TLE4: variants seen among roughly 807,000 people sequenced by gnomAD.
TLE4 encodes the protein transducin-like enhancer protein 4.
A neutral mutation model predicts 92.8 loss-of-function variants in TLE4; 8 were observed. The ratio of observed to expected loss-of-function variants is 0.09; its 90% confidence interval spans 0.05 to 0.16. The LOEUF is 0.16. Ranked by LOEUF, TLE4 falls within the 10% of genes least tolerant of loss-of-function variation. TLE4 has a pLI of 1.00. For synonymous variants in TLE4, 371 were observed against 374.1 expected, an observed-to-expected ratio of 0.99 and a Z score of 0.10; for missense variants, 675 against 997.6, an observed-to-expected ratio of 0.68 and a Z score of 4.36.
rs139010402 is a variant in TLE4 at position 79,718,391 on chromosome 9, C to G, written c.1341-331C>G. ...GGGCATCCCTGAAAGGTGGCTACTG[C>G]ACTTGACGGTGGTTATCTCATTTAA... On this transcript the variant is annotated intron_variant, in intron 14 of 19. Transcript: ENST00000376552. Among the ~76,000 whole-genome samples the G allele has an allele frequency of 3.5e-4, 53 of 152,266 alleles. 1 individual carries two copies. The highest frequency in any genetic ancestry group is 1.2e-3 in the African/African-American group (50 of 41,560).
At chr9:79,713,087 A>G (rs1029882871) in intron 14 of TLE4, among the ~76,000 whole-genome samples, 3 of 152,230 alleles carry the variant, frequency 2.0e-5, no homozygotes, top group Non-Finnish European at 2.9e-5. Context: ...TCAATGTAAA[A>G]TACAATAACC....
chr9:79,721,927 T>C (rs1040337811), intron 17 of TLE4, 39 bp downstream of exon 17: 18 of 1,590,620 alleles, frequency 1.1e-5, no homozygotes, highest in Non-Finnish European at 1.5e-5. Flanking sequence ...GATACGGTTT[T>C]AGGCTGAGGT....
At chr9:79,708,385 C>A (rs2072278465) in intron 12 of TLE4, 135 bp downstream of exon 12, 2 of 1,215,282 alleles carry the variant, frequency 1.6e-6, no homozygotes, top group South Asian at 1.5e-5. Flanking sequence ...TTAACCTGAA[C>A]CGAGCACCTG....
intron 17 of TLE4, 82 bp downstream of exon 17, chr9:79,721,970 TC>T: frequency 6.5e-7 from 1 of 1,530,848 alleles, no homozygotes; most frequent in African/African-American, 1.4e-5. Context: ...ATCGAGACCA[TC>T]CTGGCCAACA....
At chr9:79,681,574 G>T (rs900543491) in intron 8 of TLE4, among the ~76,000 whole-genome samples, 2 of 152,082 alleles carry the variant, frequency 1.3e-5, no homozygotes, top group Non-Finnish European at 2.9e-5. Flanking sequence ...ATTGAAGATC[G>T]AATGTCCACA....
At chr9:79,692,329 A>C (rs1272014835) in intron 8 of TLE4, among the ~76,000 whole-genome samples, 1 of 152,132 alleles carries the variant, frequency 6.6e-6, no homozygotes, top group Non-Finnish European at 1.5e-5. Context: ...GACTGTGGAG[A>C]AGTGGAGTGG....
chr9:79,702,198 G>A (rs2070126557), intron 8 of TLE4, among the ~76,000 whole-genome samples: 1 of 152,126 alleles, frequency 6.6e-6, no homozygotes, highest in Non-Finnish European at 1.5e-5. Flanking sequence ...ATTGGGGTGT[G>A]GAGTGAGGAC....
chr9:79,581,627 G>A lies in TLE4; in HGVS notation c.252+5450G>A, dbSNP rs80177055. ...GTTCTCATAATGATCCTAAGACAGGGATTATATCCAATCAAAAGTTGATTA... is the reference window on the plus strand; with the variant it reads ...GTTCTCATAATGATCCTAAGACAGGAATTATATCCAATCAAAAGTTGATTA... On this transcript the variant is annotated intron_variant, in intron 4 of 19. Coordinates refer to ENST00000376552, the MANE Select transcript of TLE4 (RefSeq NM_007005.6). 2.6e-3 allele frequency among the ~76,000 whole-genome samples: 398 copies of A among 152,300 alleles called. 2 individuals carry two copies. The highest frequency in any genetic ancestry group is 9.2e-3 in the African/African-American group (381 of 41,556).
intron 8 of TLE4, among the ~76,000 whole-genome samples, chr9:79,686,054 A>T (rs2065780108): frequency 6.6e-6 from 1 of 152,212 alleles, no homozygotes; most frequent in Non-Finnish European, 1.5e-5. Context: ...TTTAGTTATA[A>T]AGAGGTATAA....
chr9:79,662,371 C>T (rs891392606), intron 8 of TLE4, among the ~76,000 whole-genome samples: 1 of 152,086 alleles, frequency 6.6e-6, no homozygotes, highest in Non-Finnish European at 1.5e-5. Flanking sequence ...GTGAGAGAAG[C>T]CAGTAGGCTT....
At chr9:79,622,480 A>G (rs2051274349) in intron 5 of TLE4, among the ~76,000 whole-genome samples, 1 of 152,290 alleles carries the variant, frequency 6.6e-6, no homozygotes, top group South Asian at 2.1e-4. Flanking sequence ...TTGTCAGGTC[A>G]GCTTCCTAAG....
intron 8 of TLE4, 133 bp downstream of exon 8, chr9:79,654,208 A>G: frequency 2.2e-6 from 2 of 901,930 alleles, no homozygotes; most frequent in Non-Finnish European, 3.4e-6. Flanking sequence ...CATTTTTAAA[A>G]TTACTTTCAG....
chr9:79,704,683 C>A, intron 8 of TLE4, 100 bp from the exon 9 acceptor site: 1 of 1,482,298 alleles, frequency 6.7e-7, no homozygotes, highest in Non-Finnish European at 9.0e-7. Context: ...CAAGTATATG[C>A]TAAAGAATAA....
At chr9:79,586,043 A>C (rs1009784075) in intron 4 of TLE4, among the ~76,000 whole-genome samples, 5 of 142,114 alleles carry the variant, frequency 3.5e-5, no homozygotes, top group South Asian at 4.9e-4. Context: ...GTATGTCTTT[A>C]AAGTGATTAG....
chr9:79,668,290 C>CTGTT (rs2134727624), intron 8 of TLE4, among the ~76,000 whole-genome samples: 1 of 152,330 alleles, frequency 6.6e-6, no homozygotes, highest in East Asian at 1.9e-4. Flanking sequence ...TTTTGTTGAA[C>CTGTT]TGTTGACAAA....
intron 6 of TLE4, among the ~76,000 whole-genome samples, chr9:79,640,104 A>G (rs1218383200): frequency 1.3e-5 from 2 of 152,106 alleles, no homozygotes; most frequent in Admixed American, 6.5e-5. Flanking sequence ...GGAATTCAGG[A>G]CACCCTGGAA....
chr9:79,684,192 A>G (rs895030185), intron 8 of TLE4, among the ~76,000 whole-genome samples: 4 of 152,220 alleles, frequency 2.6e-5, no homozygotes, highest in Admixed American at 2.6e-4. Context: ...AGCATTTGCT[A>G]CATCTGATTG....
At chr9:79,601,003 G>C (rs2045515099) in intron 4 of TLE4, among the ~76,000 whole-genome samples, 1 of 152,116 alleles carries the variant, frequency 6.6e-6, no homozygotes, top group African/African-American at 2.4e-5. Context: ...TGCTCTCCTA[G>C]GGTGCTTCTA....
At chr9:79,604,904 C>T (rs1191768959) in intron 4 of TLE4, among the ~76,000 whole-genome samples, 2 of 152,104 alleles carry the variant, frequency 1.3e-5, no homozygotes, top group African/African-American at 2.4e-5. Context: ...GTATCTTCTT[C>T]CCTCTACTGT....
Sources: allele counts gnomAD v4.1 joint callset (sites outside exome capture counted in the v4.1 genomes callset), GRCh38; gene constraint gnomAD v4.1.1; transcripts MANE v1.5; gene names NCBI Gene and HGNC (gene_info 2026-07-23, HGNC 2026-07-21).